P2RX3: variants seen among roughly 807,000 people sequenced by gnomAD.
P2RX3 encodes the protein purinergic receptor P2X 3, also known as P2X purinoceptor 3.
In P2RX3, 41 loss-of-function variants were observed where a neutral mutation model predicts 51.5. That is an observed-to-expected ratio of 0.80 (90% CI 0.62 to 1.03). The LOEUF (loss-of-function observed/expected upper bound fraction) is 1.03, where lower values mean the gene tolerates loss of function less well. Ranked by LOEUF, P2RX3 falls within the 50% of genes least tolerant of loss-of-function variation. The pLI, the probability that P2RX3 is intolerant of heterozygous loss-of-function variation, is 0.00. For missense variants in P2RX3, 459 were observed against 522.1 expected (o/e 0.88, Z 1.18); for synonymous variants, 185 against 191.6 (o/e 0.97, Z 0.29).
chr11:57,363,322 G>A (rs1399683400), intron 8 of P2RX3, among the ~76,000 whole-genome samples: 48 of 152,160 alleles, frequency 3.2e-4, no homozygotes, highest in Admixed American at 3.0e-3. Flanking sequence ...ATTGCTAGTT[G>A]CTATAACAAA....
intron 8 of P2RX3, among the ~76,000 whole-genome samples, chr11:57,353,540 C>T (rs1856580249): frequency 6.6e-6 from 1 of 152,214 alleles, no homozygotes; most frequent in South Asian, 2.1e-4. Context: ...ATGTGGTTGA[C>T]ACTTTCATCC....
intron 8 of P2RX3, among the ~76,000 whole-genome samples, chr11:57,366,579 A>G (rs1856799737): frequency 6.6e-6 from 1 of 152,138 alleles, no homozygotes; most frequent in South Asian, 2.1e-4. Context: ...CATTTGAAAA[A>G]CAGAGCAATC....
chr11:57,343,553 A>G (rs1434984819), intron 1 of P2RX3, among the ~76,000 whole-genome samples: 2 of 152,188 alleles, frequency 1.3e-5, no homozygotes, highest in African/African-American at 4.8e-5. Context: ...TTCCTCATTC[A>G]TGACATGAAG....
In P2RX3 at chr11:57,370,044, A is replaced by C; in HGVS notation, c.*47A>C. On this transcript the variant is annotated 3_prime_UTR_variant, in exon 12 of 12. Transcript: ENST00000263314. ...ACTCACAAAGGCTCCAGGCCTCCCC[A>C]CAGAGGACCCTGCCTGAGCAAGGGG... The C allele has an allele frequency of 4.5e-6, 6 of 1,347,090 alleles. No homozygotes were observed. The highest frequency in any genetic ancestry group is 5.2e-6 in the Non-Finnish European group (5 of 956,296). The allele number at this position is 1,347,090 out of a possible 1,614,324, so 83.4% of individuals were successfully genotyped here. A position where few individuals can be genotyped will look rare whatever the true frequency, so the allele number is the denominator to read the frequency against.
Position 57,347,478 on chromosome 11 carries a change from G to A in P2RX3, c.391G>A (p.Gly131Arg). The change falls in exon 4 of 12, where the codon GGG becomes AGG. Residue 131 changes from glycine (G) to arginine (R), a missense_variant and splice_region_variant. Coordinates refer to ENST00000263314, the MANE Select transcript of P2RX3 (RefSeq NM_002559.5). Reference sequence around the variant, plus strand: ...CGGGCCTGAGCGCTTGCCAGGTGGGGGTGAGTCCAGCCCCTTACCCACCCC... The same window carrying A: ...CGGGCCTGAGCGCTTGCCAGGTGGGAGTGAGTCCAGCCCCTTACCCACCCC... The part of the protein sequence containing the change: ...QCGPERLPGG[G>R]ILTGRCVNYS... 2.6e-6 allele frequency: 4 copies of A among 1,555,002 alleles called. No individual in the cohort carries two copies. The South Asian group carries it at 4.7e-5, about 18-fold the overall frequency.
chr11:57,370,062 G>T lies in P2RX3; in HGVS notation c.*65G>T, dbSNP rs1218867478. On this transcript the variant is annotated 3_prime_UTR_variant, in exon 12 of 12. Transcript: ENST00000263314. ...CCTCCCCACAGAGGACCCTGCCTGA[G>T]CAAGGGGCATGGGAGGGAAGAGGGG... is the stretch of plus-strand genomic sequence containing the variant. 3 of 1,056,080 alleles carry T rather than the reference G, an allele frequency of 2.8e-6. No homozygotes were observed. The highest frequency in any genetic ancestry group is 4.0e-6 in the Non-Finnish European group (3 of 752,042). 65.4% of individuals were successfully genotyped at this position (1,056,080 alleles called of 1,614,324 possible). A position where few individuals can be genotyped will look rare whatever the true frequency, so the allele number is the denominator to read the frequency against.
At chr11:57,337,121 G>A (rs1030460319), upstream of P2RX3, among the ~76,000 whole-genome samples, 1 of 151,620 alleles carries the variant, frequency 6.6e-6, no homozygotes, top group East Asian at 1.9e-4. Context: ...GTGAAGCCCC[G>A]TCTCTATTAA....
chr11:57,340,929 T>C (rs1040220490), intron 1 of P2RX3, among the ~76,000 whole-genome samples: 11 of 151,896 alleles, frequency 7.2e-5, no homozygotes, highest in Non-Finnish European at 1.2e-4. Context: ...GAAAAGAAGG[T>C]CATTGTGGCT....
chr11:57,352,168 AATC>A (rs1318073439), intron 8 of P2RX3, among the ~76,000 whole-genome samples: 2 of 152,242 alleles, frequency 1.3e-5, no homozygotes, highest in Non-Finnish European at 2.9e-5. Flanking sequence ...AGCCAAAAAT[AATC>A]ATTTCACCTT....
intron 8 of P2RX3, among the ~76,000 whole-genome samples, chr11:57,366,413 C>G (rs1856797500): frequency 6.6e-6 from 1 of 152,110 alleles, no homozygotes; most frequent in Admixed American, 6.5e-5. Flanking sequence ...TTTCCTGAGT[C>G]CCCGGCATGG....
chr11:57,360,521 G>T (rs781212162), intron 8 of P2RX3, among the ~76,000 whole-genome samples: 2 of 152,114 alleles, frequency 1.3e-5, no homozygotes, highest in African/African-American at 4.8e-5. Flanking sequence ...GAGGCCAGGC[G>T]CGGTGGCTCA....
chr11:57,368,320 AC>A, intron 9 of P2RX3, 51 bp from the exon 10 acceptor site: 1 of 1,595,614 alleles, frequency 6.3e-7, no homozygotes, highest in East Asian at 2.2e-5. Flanking sequence ...CTCGGGCCTC[AC>A]CCCCATCCCA....
intron 8 of P2RX3, among the ~76,000 whole-genome samples, chr11:57,361,858 A>G (rs899845314): frequency 2.6e-5 from 4 of 152,180 alleles, no homozygotes; most frequent in Non-Finnish European, 5.9e-5. Context: ...TCACTTTCAC[A>G]TGAAGCCTTG....
chr11:57,359,902 C>T (rs1192028177), intron 8 of P2RX3, among the ~76,000 whole-genome samples: 1 of 152,226 alleles, frequency 6.6e-6, no homozygotes, highest in Non-Finnish European at 1.5e-5. Context: ...GTGCTAGGTA[C>T]TATGTTCAGC....
intron 1 of P2RX3, among the ~76,000 whole-genome samples, chr11:57,341,671 G>A (rs1419087922): frequency 6.6e-6 from 1 of 152,154 alleles, no homozygotes; most frequent in Non-Finnish European, 1.5e-5. Context: ...TAGGATCTGA[G>A]TCCCTGGAAG....
At chr11:57,369,835 G>A (rs1343653954) in intron 11 of P2RX3, 49 bp from the exon 12 acceptor site, 1 of 1,316,478 alleles carries the variant, frequency 7.6e-7, no homozygotes, top group Non-Finnish European at 1.1e-6. Flanking sequence ...CACAAAAGAG[G>A]ACATTGCCCA....
At chr11:57,348,428 A>G (rs1490668110) in intron 5 of P2RX3, 165 bp downstream of exon 5, 1 of 739,960 alleles carries the variant, frequency 1.4e-6, no homozygotes. Flanking sequence ...CATCTTCCCC[A>G]GCCCACCCAC....
At chr11:57,344,948 G>C (rs1415900719) in intron 1 of P2RX3, among the ~76,000 whole-genome samples, 1 of 152,164 alleles carries the variant, frequency 6.6e-6, no homozygotes, top group Non-Finnish European at 1.5e-5. Flanking sequence ...TCCAACAGTA[G>C]GTGACCCCAG....
intron 6 of P2RX3, among the ~76,000 whole-genome samples, chr11:57,349,229 G>A (rs529134696): frequency 2.0e-5 from 3 of 151,590 alleles, no homozygotes; most frequent in East Asian, 1.9e-4. Flanking sequence ...TTGGGAGGCC[G>A]AGAAGGGTGG....
Sources: gnomAD v4.1 joint callset for allele counts (sites outside exome capture counted in the v4.1 genomes callset) on GRCh38, gnomAD v4.1.1 for gene constraint, MANE v1.5 for transcripts, NCBI Gene and HGNC (gene_info 2026-07-23, HGNC 2026-07-21) for gene names.